MEIS3: variants seen among roughly 807,000 people sequenced by gnomAD.
MEIS3 encodes homeobox protein Meis3.
In MEIS3, 38 loss-of-function variants were observed where a neutral mutation model predicts 51.4. That is an observed-to-expected ratio of 0.74 (90% CI 0.57 to 0.97). MEIS3 has a LOEUF of 0.97. Among genes scored for constraint, MEIS3 ranks in the 50% least tolerant of loss-of-function variants. MEIS3 has a pLI of 0.00. For missense variants in MEIS3, 456 were observed against 502.6 expected, an observed-to-expected ratio of 0.91 and a Z score of 0.89; for synonymous variants, 198 against 201.8, an observed-to-expected ratio of 0.98 and a Z score of 0.16.
At chr19:47,406,106 T>G in intron 12 of MEIS3, 1 of 189,800 alleles carries the variant, frequency 5.3e-6, no homozygotes. Flanking sequence ...AGTGGAGAGA[T>G]GAATGGAGTG....
intron 6 of MEIS3, among the ~76,000 whole-genome samples, chr19:47,410,140 CT>C (rs1971058822): frequency 6.6e-6 from 1 of 151,940 alleles, no homozygotes; most frequent in South Asian, 2.1e-4. Context: ...AACCCCATCT[CT>C]ACTAAAAATA....
At chr19:47,420,940 A>ACACACACTCTCTCTCTCTCTCTCTCT (rs1187725467), upstream of MEIS3, among the ~76,000 whole-genome samples, 1 of 91,002 alleles carries the variant, frequency 1.1e-5, no homozygotes. Flanking sequence ...ACACACACAC[A>ACACACACTCTCTCTCTCTCTCTCTCT]CTCTCTCTCT....
At chr19:47,403,665 T>C (rs1970690474) in intron 12 of MEIS3, 112 bp from the exon 13 acceptor site, 1 of 329,564 alleles carries the variant, frequency 3.0e-6, no homozygotes, top group Non-Finnish European at 6.0e-6. Context: ...ACAGAGAGAG[T>C]GGCTGGCGGG....
intron 12 of MEIS3, 122 bp from the exon 13 acceptor site, chr19:47,403,675 G>A (rs554550364): frequency 1.2e-4 from 42 of 337,044 alleles, no homozygotes; most frequent in Non-Finnish European, 2.3e-4. Flanking sequence ...TGGCTGGCGG[G>A]GAATGGCACA....
At chr19:47,407,717 A>T in intron 8 of MEIS3, 35 of 439,020 alleles carry the variant, frequency 8.0e-5, no homozygotes, top group Non-Finnish European at 1.1e-4. Flanking sequence ...GGCGTGGGGG[A>T]GGGGCTTCAC....
intron 12 of MEIS3, 138 bp from the exon 13 acceptor site, chr19:47,403,691 G>A (rs1204697716): frequency 3.0e-6 from 1 of 333,864 alleles, no homozygotes; most frequent in Non-Finnish European, 5.9e-6. Context: ...GCACAGGGAT[G>A]TGGGAGGGTC....
chr19:47,421,694 G>C (rs1971718355), upstream of MEIS3, among the ~76,000 whole-genome samples: 1 of 151,032 alleles, frequency 6.6e-6, no homozygotes, highest in African/African-American at 2.4e-5. Context: ...CTCCGCCTGG[G>C]CTATGTCTGT....
chr19:47,419,028 G>A, intron 1 of MEIS3, 42 bp downstream of exon 1: 1 of 1,238,030 alleles, frequency 8.1e-7, no homozygotes, highest in Non-Finnish European at 1.0e-6. Context: ...GACAGGGGGT[G>A]CGGAAGCGGC....
At chr19:47,411,157 G>A (rs369137654) in intron 6 of MEIS3, among the ~76,000 whole-genome samples, 38 of 152,156 alleles carry the variant, frequency 2.5e-4, no homozygotes, top group African/African-American at 7.5e-4. Context: ...GGCTGGTCTC[G>A]AACTCCTGGG....
rs369394236 is a variant in MEIS3, at chr19:47,406,535, CA to C, written c.1079-10del. The C allele has an allele frequency of 9.3e-5, 146 of 1,571,918 alleles. No individual in the cohort carries two copies. The highest frequency in any genetic ancestry group is 3.4e-4 in the Middle Eastern group (2 of 5,914). On this transcript the variant is annotated splice_polypyrimidine_tract_variant and intron_variant, in intron 11 of 12. Coordinates refer to ENST00000558555, the MANE Select transcript of MEIS3 (RefSeq NM_001301059.2). ...ACTCATCCCCACTGATCCTGGAAGACAAAAAAAAAGGAGGGTAAGTGCGTCT... is the reference window on the plus strand; with the variant it reads ...ACTCATCCCCACTGATCCTGGAAGACAAAAAAAAGGAGGGTAAGTGCGTCT...
chr19:47,411,088 C>T (rs1291271412), intron 6 of MEIS3, among the ~76,000 whole-genome samples: 1 of 152,106 alleles, frequency 6.6e-6, no homozygotes, highest in Non-Finnish European at 1.5e-5. Flanking sequence ...AGGTGCCTGC[C>T]ACCACACCTG....
At chr19:47,407,482 C>A in intron 8 of MEIS3, 54 bp from the exon 9 acceptor site, 1 of 1,613,288 alleles carries the variant, frequency 6.2e-7, no homozygotes, top group Non-Finnish European at 8.5e-7. Flanking sequence ...CAGTCTGAAC[C>A]CCAAGGTCTG....
chr19:47,408,956 C>T, intron 8 of MEIS3, 143 bp downstream of exon 8: 1 of 938,698 alleles, frequency 1.1e-6, no homozygotes. Context: ...GCTCCTGTCA[C>T]AATTCTCCAC....
chr19:47,421,844 CTCTCCAGGGGCCTCTG>C (rs1307560653), upstream of MEIS3, among the ~76,000 whole-genome samples: 2 of 151,308 alleles, frequency 1.3e-5, no homozygotes, highest in East Asian at 1.9e-4. Flanking sequence ...CTCGGTCTCT[CTCTCCAGGGGCCTCTG>C]TCTCTTCTCC....
chr19:47,407,280 C>T (rs1599800786), intron 9 of MEIS3, 72 bp downstream of exon 9: 2 of 1,553,056 alleles, frequency 1.3e-6, no homozygotes, highest in Admixed American at 3.7e-5. Flanking sequence ...GGCTCGGGGC[C>T]TCCGTCAGCA....
At chr19:47,414,906 G>A (rs1487029240) in intron 5 of MEIS3, 40 bp from the exon 6 acceptor site, 1 of 1,341,934 alleles carries the variant, frequency 7.5e-7, no homozygotes, top group Non-Finnish European at 1.1e-6. Context: ...CCACCCACGG[G>A]GGCAGGGCGG....
At chr19:47,420,974 T>TCTCTCTCTCTC (rs200497887), upstream of MEIS3, among the ~76,000 whole-genome samples, 2 of 108,198 alleles carry the variant, frequency 1.8e-5, no homozygotes, top group South Asian at 3.2e-4. Context: ...TCTCTCTCTC[T>TCTCTCTCTCTC]TCCTGGCTGT....
chr19:47,414,592 T>G, intron 6 of MEIS3, 125 bp downstream of exon 6: 1 of 1,151,846 alleles, frequency 8.7e-7, no homozygotes, highest in Non-Finnish European at 1.2e-6. Flanking sequence ...TGTGTGCATA[T>G]GCGTGCCCTG....
chr19:47,417,884 G>T (rs952789678), intron 1 of MEIS3: 6 of 591,472 alleles, frequency 1.0e-5, no homozygotes, highest in Non-Finnish European at 1.8e-5. Context: ...ACCAACCCAC[G>T]TGCACACTCA....
Sources: allele counts gnomAD v4.1 joint callset (sites outside exome capture counted in the v4.1 genomes callset), GRCh38; gene constraint gnomAD v4.1.1; transcripts MANE v1.5; gene names NCBI Gene and HGNC (gene_info 2026-07-23, HGNC 2026-07-21).